Variants in IL17REL observed in about 807,000 individuals in gnomAD.
IL17REL encodes the protein interleukin 17 receptor E like, also known as interleukin-17 receptor E-like protein.
A neutral mutation model predicts 49.0 loss-of-function variants in IL17REL; 36 were observed. The observed-to-expected ratio is 0.73, with a 90% CI of 0.56 to 0.97. IL17REL has a LOEUF of 0.97. IL17REL is among the 50% of genes least tolerant of loss of function. The pLI, the probability that IL17REL is intolerant of heterozygous loss-of-function variation, is 0.00. For missense variants in IL17REL, 470 were observed against 453.9 expected (o/e 1.04, Z -0.32); for synonymous variants, 206 against 192.4 (o/e 1.07, Z -0.58).
At chr22:50,005,026 G>A (rs1245509318) in intron 1 of IL17REL, among the ~76,000 whole-genome samples, 1 of 147,366 alleles carries the variant, frequency 6.8e-6, no homozygotes, top group African/African-American at 2.5e-5. Flanking sequence ...CTCACGGTGA[G>A]CAAGGAAAAT....
Position 49,998,264 on chromosome 22 carries a change from G to C in IL17REL, c.647C>G (p.Pro216Arg), listed in dbSNP as rs1368112770. Residue 216 changes from proline (P) to arginine (R), a missense_variant, in exon 8 of 13, where the codon CCG becomes CGG. Pro to Arg is a moderately radical substitution (Grantham distance 103). Transcript: ENST00000341280. ...CTCCCAGCTCAGTGTCTGGCTCTCC[G>C]GGTGGTAGTAGACCGTGTCCCACAG... 1.9e-6 allele frequency: 3 copies of C among 1,612,100 alleles called. No individual in the cohort carries two copies. Among genetic ancestry groups the C allele is most frequent in the Non-Finnish European group, 1.7e-6 (2 of 1,179,732 alleles).
At chr22:49,999,249 C>G in intron 7 of IL17REL, 42 bp downstream of exon 9, 1 of 1,609,926 alleles carries the variant, frequency 6.2e-7, no homozygotes, top group Non-Finnish European at 8.5e-7. Context: ...CTGGCCGCAG[C>G]CATTCCCACC....
chr22:50,007,194 G>C (rs1368757568), intron 1 of IL17REL, among the ~76,000 whole-genome samples: 1 of 151,974 alleles, frequency 6.6e-6, no homozygotes, highest in Admixed American at 6.6e-5. Flanking sequence ...GACTCAAACA[G>C]GAATTCCCTC....
chr22:50,010,475 G>A (rs2061133360), upstream of IL17REL, among the ~76,000 whole-genome samples: 1 of 152,246 alleles, frequency 6.6e-6, no homozygotes, highest in Non-Finnish European at 1.5e-5. Flanking sequence ...CTGCAGGGGG[G>A]CAGTGGCGTG....
At chr22:50,009,429 C>T (rs760174560), upstream of IL17REL, among the ~76,000 whole-genome samples, 1 of 152,182 alleles carries the variant, frequency 6.6e-6, no homozygotes, top group Non-Finnish European at 1.5e-5. Flanking sequence ...AGGCGCCCGG[C>T]ACCCCGGCAC....
exon 13 of IL17REL, chr22:49,996,604 T>G: frequency 6.0e-6 from 1 of 167,608 alleles, no homozygotes; most frequent in Non-Finnish European, 1.3e-5. Flanking sequence ...CGGTGTGTGG[T>G]GGAGGGAAAT....
Position 49,998,198 on chromosome 22 carries a change from CGCCAGCACAGGCTCACATG to C in IL17REL, c.694_712del (p.His232AlafsTer35), listed in dbSNP as rs2061049253. On this transcript the variant is annotated frameshift_variant, in exon 8 of 13. Transcript: ENST00000341280. LOFTEE classifies it high-confidence loss of function. Reference sequence around the variant, plus strand: ...ACGGCAGCCGGCCCCCGGCCCCGGGCGCCAGCACAGGCTCACATGGCCACTCACAGGGCAGGCGGGCTCC... The same window carrying C: ...ACGGCAGCCGGCCCCCGGCCCCGGGCGCCACTCACAGGGCAGGCGGGCTCC... 1 of 1,611,668 alleles carries C rather than the reference CGCCAGCACAGGCTCACATG, an allele frequency of 6.2e-7. No homozygotes were observed. The highest frequency in any genetic ancestry group is 8.5e-7 in the Non-Finnish European group (1 of 1,179,576).
chr22:49,999,779 A>T (rs1467119921), intron 5 of IL17REL, 49 bp downstream of exon 7: 2 of 1,241,472 alleles, frequency 1.6e-6, no homozygotes, highest in Non-Finnish European at 1.0e-6. Context: ...CGGGGCGCGG[A>T]GGTGGGCGGG....
chr22:49,998,264 G>A lies in IL17REL; in HGVS notation c.647C>T (p.Pro216Leu), dbSNP rs1368112770. The A allele has an allele frequency of 9.9e-6, 16 of 1,612,218 alleles. No homozygotes were observed. Among genetic ancestry groups the A allele is most frequent in the African/African-American group, 1.3e-5 (1 of 75,048 alleles). Residue 216 changes from proline (P) to leucine (L), a missense_variant, in exon 8 of 13, where the codon CCG becomes CTG. By Grantham distance (98) the Pro-to-Leu change is moderately conservative. Coordinates refer to ENST00000341280, the Ensembl canonical transcript of IL17REL. ...CTCCCAGCTCAGTGTCTGGCTCTCC[G>A]GGTGGTAGTAGACCGTGTCCCACAG... is the stretch of plus-strand genomic sequence containing the variant.
upstream of IL17REL, among the ~76,000 whole-genome samples, chr22:50,009,737 C>T (rs1024553651): frequency 2.6e-5 from 4 of 152,220 alleles, no homozygotes; most frequent in African/African-American, 9.6e-5. Context: ...GGGCCCACTT[C>T]TGTTCCTTGA....
chr22:49,993,168 G>A (rs370167985), downstream of IL17REL, among the ~76,000 whole-genome samples: 263 of 152,284 alleles, frequency 1.7e-3, 3 homozygotes, highest in African/African-American at 6.0e-3. This position sits in a 1 kb window ranked among gnomAD's most constrained non-coding sequence, Gnocchi z 6.0. Flanking sequence ...TGCAGGGCCC[G>A]GGATCTTTGC....
chr22:50,003,197 C>T (rs79142910), intron 1 of IL17REL, among the ~76,000 whole-genome samples: 2,645 of 152,162 alleles, frequency 0.017, 37 homozygotes, highest in African/African-American at 0.045. Context: ...TGTGAGGGAA[C>T]GACCAGAGGT....
downstream of IL17REL, among the ~76,000 whole-genome samples, chr22:49,993,347 T>G (rs1310892896): frequency 1.3e-5 from 2 of 152,174 alleles, no homozygotes; most frequent in African/African-American, 2.4e-5. This position sits in a 1 kb window ranked among gnomAD's most constrained non-coding sequence, Gnocchi z 6.0. Flanking sequence ...TGCCCGCCCC[T>G]ACCGCACCCC....
chr22:50,000,484 C>G, exon 4 of IL17REL: 1 of 1,612,238 alleles, frequency 6.2e-7, no homozygotes. Flanking sequence ...CTACCTTCCA[C>G]GAGGTGCCTC....
chr22:49,997,793 G>C lies in IL17REL; in HGVS notation c.820-51C>G, dbSNP rs755369922. 7.6e-6 allele frequency: 12 copies of C among 1,569,948 alleles called. No homozygotes were observed. The South Asian group carries it at 1.3e-4, about 17-fold the overall frequency. ...GAGGGTGGAGTGTGTGTGAGGCAGG[G>C]GCAGGGACAGGGGCAGGGACAGGGA... On this transcript the variant is annotated intron_variant, in intron 9 of 12. Transcript: ENST00000341280.
chr22:50,003,328 C>T (rs1462976102), intron 1 of IL17REL, among the ~76,000 whole-genome samples: 2 of 152,086 alleles, frequency 1.3e-5, no homozygotes, highest in South Asian at 2.1e-4. Flanking sequence ...TTGAGACCAG[C>T]CTGGCCAACA....
At chr22:49,999,839 C>T (rs1468405935) in exon 5 of IL17REL, 1 of 1,518,322 alleles carries the variant, frequency 6.6e-7, no homozygotes, top group Non-Finnish European at 8.8e-7. Flanking sequence ...CGCACAGGGG[C>T]GCCGGCGTCC....
At chr22:50,010,793 TG>T (rs1317392586), upstream of IL17REL, among the ~76,000 whole-genome samples, 5 of 96,734 alleles carry the variant, frequency 5.2e-5, no homozygotes, top group Admixed American at 9.7e-5. Flanking sequence ...CCGGGCGCGC[TG>T]GGGGGAAGGT....
downstream of IL17REL, among the ~76,000 whole-genome samples, chr22:49,993,484 C>T (rs1174958438): frequency 3.3e-5 from 5 of 152,076 alleles, no homozygotes; most frequent in South Asian, 8.3e-4. The surrounding 1 kb of genome is among the most constrained non-coding windows in gnomAD (Gnocchi z 6.0). Context: ...GGGCTGTGGG[C>T]GCTCCGTGTT....
Sources: allele counts gnomAD v4.1 joint callset (sites outside exome capture counted in the v4.1 genomes callset), GRCh38; gene constraint gnomAD v4.1.1; non-coding constraint Gnocchi (gnomAD v3.1); transcripts MANE v1.5; gene names NCBI Gene and HGNC (gene_info 2026-07-23, HGNC 2026-07-21).